Variants in ADGRL2 observed in about 807,000 individuals in gnomAD.
ADGRL2 encodes the protein calcium-independent alpha-latrotoxin receptor 2.
ADGRL2 carries 44 observed loss-of-function variants against 157.4 expected under a neutral mutation model. That is an observed-to-expected ratio of 0.28 (90% CI 0.22 to 0.36). The LOEUF (loss-of-function observed/expected upper bound fraction) is 0.36. Ranked by LOEUF, ADGRL2 falls within the 10% of genes least tolerant of loss-of-function variation. The pLI, the probability that ADGRL2 is intolerant of heterozygous loss-of-function variation, is 1.00. For missense variants in ADGRL2, 1,510 were observed against 1,768.9 expected (o/e 0.85, Z 2.63); for synonymous variants, 585 against 624.7 (o/e 0.94, Z 0.95).
intron 2 of ADGRL2, among the ~76,000 whole-genome samples, chr1:81,869,346 G>C (rs1255838878): frequency 6.6e-6 from 1 of 151,522 alleles, no homozygotes; most frequent in Non-Finnish European, 1.5e-5. Context: ...TAAAAAACAC[G>C]CTTAAAAAAA....
chr1:81,611,843 G>T (rs1020716742), intron 3 of ADGRL2, among the ~76,000 whole-genome samples: 1 of 152,128 alleles, frequency 6.6e-6, no homozygotes, highest in Admixed American at 6.6e-5. Flanking sequence ...TGGGAGGTGT[G>T]TGGGTCCTGG....
At chr1:81,538,568 T>A (rs769089986) in intron 2 of ADGRL2, among the ~76,000 whole-genome samples, 3 of 152,206 alleles carry the variant, frequency 2.0e-5, no homozygotes, top group Non-Finnish European at 4.4e-5. Context: ...GTAGTGAGAT[T>A]CTTGCATCTA....
intron 2 of ADGRL2, among the ~76,000 whole-genome samples, chr1:81,454,695 A>G (rs2077767512): frequency 6.6e-6 from 1 of 152,172 alleles, no homozygotes. Context: ...TCGACTACGA[A>G]CTTGAAAATG....
At chr1:81,890,749 A>C (rs1415620819) in intron 2 of ADGRL2, among the ~76,000 whole-genome samples, 1 of 152,028 alleles carries the variant, frequency 6.6e-6, no homozygotes, top group Non-Finnish European at 1.5e-5. Flanking sequence ...CTTTGAAAAA[A>C]CTGGCCCATC....
intron 2 of ADGRL2, among the ~76,000 whole-genome samples, chr1:81,785,669 C>G (rs978158257): frequency 2.6e-5 from 4 of 151,882 alleles, no homozygotes; most frequent in African/African-American, 9.7e-5. Flanking sequence ...TCCAGAGGGC[C>G]TTGAGCTATG....
At chr1:81,723,310 C>G (rs552333463) in intron 1 of ADGRL2, among the ~76,000 whole-genome samples, 2 of 152,240 alleles carry the variant, frequency 1.3e-5, no homozygotes, top group East Asian at 3.9e-4. Flanking sequence ...CCTCTCTCCC[C>G]CAAATGCAAC....
In ADGRL2 at chr1:81,853,187, T is replaced by A. The variant is rs1388017259; in HGVS notation, c.73+16130T>A. On this transcript the variant is annotated intron_variant, in intron 2 of 23. Coordinates refer to ENST00000686636, the MANE Select transcript of ADGRL2 (RefSeq NM_001366006.2). ...ATGTGTAAATTGGAATTATCACATC[T>A]AGCAGTTCCCTTCACCAGGTGCTGG... Among the ~76,000 whole-genome samples the A allele has an allele frequency of 3.3e-5, 5 of 152,204 alleles. No homozygotes were observed. In the East Asian group the frequency reaches 9.6e-4, roughly 29 times the overall value.
intron 3 of ADGRL2, among the ~76,000 whole-genome samples, chr1:81,622,596 A>G (rs1170866144): frequency 1.3e-5 from 2 of 150,472 alleles, no homozygotes; most frequent in Non-Finnish European, 3.0e-5. Context: ...AAAAAAACCT[A>G]TGTTTTTGGG....
chr1:81,369,295 G>C (rs2076121791), intron 1 of ADGRL2, among the ~76,000 whole-genome samples: 2 of 152,068 alleles, frequency 1.3e-5, no homozygotes, highest in African/African-American at 4.8e-5. Context: ...CAGCAGTTGG[G>C]AGGTTTTCAA....
chr1:81,597,297 A>G (rs907280749), intron 3 of ADGRL2, among the ~76,000 whole-genome samples: 1 of 152,126 alleles, frequency 6.6e-6, no homozygotes, highest in African/African-American at 2.4e-5. Flanking sequence ...TTACTTTCAG[A>G]TATTTTCTCT....
At chr1:81,619,430 G>A (rs1430771580) in intron 3 of ADGRL2, among the ~76,000 whole-genome samples, 5 of 152,102 alleles carry the variant, frequency 3.3e-5, no homozygotes, top group East Asian at 3.9e-4. Flanking sequence ...TGGTCTTCAC[G>A]ACCTGCAAAC....
chr1:81,606,994 C>A (rs2081448238), intron 3 of ADGRL2, among the ~76,000 whole-genome samples: 1 of 152,160 alleles, frequency 6.6e-6, no homozygotes, highest in South Asian at 2.1e-4. Flanking sequence ...TGAAGTGAAT[C>A]ATTTCTATGA....
chr1:81,717,164 T>G (rs1402728870), intron 1 of ADGRL2, among the ~76,000 whole-genome samples: 1 of 152,198 alleles, frequency 6.6e-6, no homozygotes, highest in Admixed American at 6.5e-5. Context: ...AAGCAAAGGC[T>G]TGGGAATGTC....
At chr1:81,417,678 C>G (rs1430103814) in intron 1 of ADGRL2, among the ~76,000 whole-genome samples, 1 of 152,146 alleles carries the variant, frequency 6.6e-6, no homozygotes, top group East Asian at 1.9e-4. Flanking sequence ...TTCACAGAAA[C>G]ATTGGCTTGT....
chr1:81,480,832 C>T (rs1394996674), intron 2 of ADGRL2, among the ~76,000 whole-genome samples: 1 of 152,050 alleles, frequency 6.6e-6, no homozygotes. Flanking sequence ...CACTCAGCAC[C>T]CACATTCAAC....
At chr1:81,964,025 T>A (rs1177234014) in intron 11 of ADGRL2, among the ~76,000 whole-genome samples, 1 of 151,752 alleles carries the variant, frequency 6.6e-6, no homozygotes, top group East Asian at 1.9e-4. Flanking sequence ...TTTATCTATT[T>A]GTTGGTACAA....
At chr1:81,756,767 G>A (rs1414740999) in intron 1 of ADGRL2, among the ~76,000 whole-genome samples, 1 of 151,986 alleles carries the variant, frequency 6.6e-6, no homozygotes, top group Non-Finnish European at 1.5e-5. Context: ...ACAAATAACA[G>A]AATTTTAAAA....
At chr1:81,864,931 A>G (rs976352383) in intron 2 of ADGRL2, among the ~76,000 whole-genome samples, 3 of 152,200 alleles carry the variant, frequency 2.0e-5, no homozygotes. Context: ...GGTTGCAGTG[A>G]GCCAAGATCG....
At chr1:81,833,505 T>C (rs1342778157) in intron 1 of ADGRL2, among the ~76,000 whole-genome samples, 1 of 152,222 alleles carries the variant, frequency 6.6e-6, no homozygotes, top group Admixed American at 6.5e-5. Flanking sequence ...TTTGCCCTTA[T>C]TAATTTGAAA....
Sources: gnomAD v4.1 joint callset for allele counts (sites outside exome capture counted in the v4.1 genomes callset) on GRCh38, gnomAD v4.1.1 for gene constraint, MANE v1.5 for transcripts, NCBI Gene and HGNC (gene_info 2026-07-23, HGNC 2026-07-21) for gene names.